The following NPSR1 variants were observed in gnomAD, a reference collection of about 807,000 sequenced individuals.
The protein encoded by NPSR1 is neuropeptide S receptor 1.
Under a neutral mutation model 46.9 loss-of-function variants are expected in NPSR1, and 48 were observed. The ratio of observed to expected loss-of-function variants is 1.02; its 90% CI spans 0.81 to 1.30. The LOEUF is 1.30. NPSR1 is among the 50% of genes most tolerant of loss of function. The pLI is 0.00. For missense variants in NPSR1, 450 were observed against 449.5 expected (o/e 1.00, Z -0.01); for synonymous variants, 176 against 168.1 (o/e 1.05, Z -0.36).
chr7:34,722,330 A>G (rs1284573145), intron 2 of NPSR1, among the ~76,000 whole-genome samples: 1 of 152,254 alleles, frequency 6.6e-6, no homozygotes, highest in South Asian at 2.1e-4. Flanking sequence ...GTATATGTAA[A>G]AAAACCAAGT....
chr7:34,878,260 A>G (rs1321072125), exon 9 of NPSR1: 7 of 823,816 alleles, frequency 8.5e-6, no homozygotes, highest in African/African-American at 3.4e-5. Flanking sequence ...CAAGGACACC[A>G]GTGGTTCCCA....
intron 1 of NPSR1, among the ~76,000 whole-genome samples, chr7:34,681,649 G>A (rs576661214): frequency 2.2e-4 from 34 of 152,164 alleles, no homozygotes; most frequent in Non-Finnish European, 4.1e-4. Context: ...CCAGCCTCCA[G>A]CATGGGGTTG....
chr7:34,705,356 G>A (rs1794048971), intron 2 of NPSR1, among the ~76,000 whole-genome samples: 1 of 151,618 alleles, frequency 6.6e-6, no homozygotes, highest in East Asian at 1.9e-4. Context: ...GAATCCAGGA[G>A]GTGGAGGTTG....
chr7:34,671,470 G>A (rs1160955696), intron 1 of NPSR1, among the ~76,000 whole-genome samples: 1 of 152,086 alleles, frequency 6.6e-6, no homozygotes, highest in East Asian at 1.9e-4. Flanking sequence ...TTACTCTGCA[G>A]AAGCCCAGAA....
intron 8 of NPSR1, among the ~76,000 whole-genome samples, chr7:34,859,196 A>G (rs917313936): frequency 1.3e-5 from 2 of 151,780 alleles, no homozygotes; most frequent in Admixed American, 1.3e-4. Flanking sequence ...TAGCAGGAAC[A>G]TTGATGCCAA....
intron 4 of NPSR1, among the ~76,000 whole-genome samples, chr7:34,814,360 G>A (rs1476371052): frequency 6.6e-6 from 1 of 152,230 alleles, no homozygotes; most frequent in Non-Finnish European, 1.5e-5. Context: ...CCATTGCTGA[G>A]GCATGAGTAG....
At chr7:34,818,690 A>G (rs1789383074) in intron 4 of NPSR1, among the ~76,000 whole-genome samples, 1 of 152,234 alleles carries the variant, frequency 6.6e-6, no homozygotes. Flanking sequence ...CACAGTAACC[A>G]AAACAGCAAG....
intron 3 of NPSR1, among the ~76,000 whole-genome samples, chr7:34,792,653 GTATA>G (rs1301581148): frequency 3.4e-4 from 30 of 89,448 alleles, no homozygotes; most frequent in Non-Finnish European, 5.7e-4. Context: ...ATATATATAT[GTATA>G]TATATATTTA....
intron 2 of NPSR1, among the ~76,000 whole-genome samples, chr7:34,717,440 G>C (rs1315161778): frequency 2.0e-5 from 3 of 152,152 alleles, no homozygotes; most frequent in Non-Finnish European, 4.4e-5. Flanking sequence ...CACATAACAA[G>C]TCTTATCAGT....
chr7:34,701,390 T>C (rs1253255422), intron 2 of NPSR1, among the ~76,000 whole-genome samples: 2 of 152,186 alleles, frequency 1.3e-5, no homozygotes, highest in African/African-American at 2.4e-5. Context: ...ATATCTCCCA[T>C]TGATTCTTCT....
At chr7:34,683,114 T>C (rs1314342959) in intron 1 of NPSR1, among the ~76,000 whole-genome samples, 1 of 148,842 alleles carries the variant, frequency 6.7e-6, no homozygotes, top group Non-Finnish European at 1.5e-5. Context: ...AATATCAGAT[T>C]GATAAAGTGT....
At chr7:34,731,122 AT>A (rs986740449) in intron 2 of NPSR1, among the ~76,000 whole-genome samples, 11 of 152,184 alleles carry the variant, frequency 7.2e-5, no homozygotes, top group African/African-American at 1.7e-4. Context: ...AATTGTAAAG[AT>A]TTTTTTAATA....
rs952410746 is a variant in NPSR1 at position 34,790,156 on chromosome 7, T to C, written c.384+11591T>C. Among the ~76,000 whole-genome samples the C allele has an allele frequency of 2.6e-4, 40 of 152,084 alleles. 2 individuals carry two copies. The highest frequency in any genetic ancestry group is 7.2e-5 in the African/African-American group (3 of 41,430). ...TAGCAAACATATTTCAATAGCACAC[T>C]TGAAATATTATTCACCATGATTAAG... On this transcript the variant is annotated intron_variant, in intron 3 of 8. Coordinates refer to ENST00000360581, the MANE Select transcript of NPSR1 (RefSeq NM_207172.2).
chr7:34,676,247 T>C (rs1792311243), intron 1 of NPSR1, among the ~76,000 whole-genome samples: 1 of 152,198 alleles, frequency 6.6e-6, no homozygotes, highest in Non-Finnish European at 1.5e-5. Context: ...AATCTCCATC[T>C]TCATCATCTT....
chr7:34,715,814 C>T (rs530675950), intron 2 of NPSR1, among the ~76,000 whole-genome samples: 1 of 152,290 alleles, frequency 6.6e-6, no homozygotes, highest in South Asian at 2.1e-4. Context: ...GATGCTCAGG[C>T]TACCATATGG....
At chr7:34,877,559 C>A (rs889624555) in intron 8 of NPSR1, among the ~76,000 whole-genome samples, 1 of 152,202 alleles carries the variant, frequency 6.6e-6, no homozygotes, top group African/African-American at 2.4e-5. Context: ...AGGTAGCAGA[C>A]TACACACACC....
chr7:34,836,872 C>T (rs966486359), intron 6 of NPSR1, among the ~76,000 whole-genome samples: 1 of 152,068 alleles, frequency 6.6e-6, no homozygotes, highest in Non-Finnish European at 1.5e-5. Flanking sequence ...TATAGCCATA[C>T]AATTAAATGC....
At chr7:34,752,872 A>G (rs1162423225) in intron 2 of NPSR1, among the ~76,000 whole-genome samples, 1 of 152,072 alleles carries the variant, frequency 6.6e-6, no homozygotes, top group Non-Finnish European at 1.5e-5. Flanking sequence ...CTGAACAGGC[A>G]CTCTGTGAAG....
In NPSR1 at chr7:34,706,222, T is replaced by C. The variant is rs61229332; in HGVS notation, c.280+21538T>C. Among the ~76,000 whole-genome samples the C allele has an allele frequency of 8.0e-3, 1,212 of 152,190 alleles. 30 individuals are homozygous for C. The highest frequency in any genetic ancestry group is 0.028 in the African/African-American group (1,177 of 41,542). On this transcript the variant is annotated intron_variant, in intron 2 of 8. Transcript: ENST00000360581. Reference sequence around the variant, plus strand: ...GCTTTCACCAGGTTATGTCTATTTTTTGGTCGTCTGTTATGTGAGTTCTCT... The same window carrying C: ...GCTTTCACCAGGTTATGTCTATTTTCTGGTCGTCTGTTATGTGAGTTCTCT...
Sources: allele counts gnomAD v4.1 joint callset (sites outside exome capture counted in the v4.1 genomes callset), GRCh38; gene constraint gnomAD v4.1.1; transcripts MANE v1.5; gene names NCBI Gene and HGNC (gene_info 2026-07-23, HGNC 2026-07-21).